The following RNF111 variants were observed in gnomAD, a reference collection of about 807,000 sequenced individuals.
The protein encoded by RNF111 is E3 ubiquitin-protein ligase Arkadia.
A neutral mutation model predicts 95.1 loss-of-function variants in RNF111; 17 were observed. The observed-to-expected ratio is 0.18, with a 90% CI of 0.12 to 0.27. RNF111 has a LOEUF of 0.27. Ranked by LOEUF, RNF111 falls within the 10% of genes least tolerant of loss-of-function variation. The pLI is 1.00. For synonymous variants in RNF111, 440 were observed against 414.8 expected, an observed-to-expected ratio of 1.06 and a Z score of -0.74; for missense variants, 1,189 against 1,210.4, an observed-to-expected ratio of 0.98 and a Z score of 0.26.
chr15:59,021,915 C>A (rs1377828690), intron 1 of RNF111, among the ~76,000 whole-genome samples: 1 of 152,030 alleles, frequency 6.6e-6, no homozygotes, highest in Admixed American at 6.6e-5. Flanking sequence ...GGCTGAAGTA[C>A]AGTGACGTGA....
chr15:59,031,220 C>G lies in RNF111; in HGVS notation c.398C>G (p.Ser133Cys). The change falls in exon 2 of 14, where the codon TCT becomes TGT. Residue 133 changes from serine to cysteine, a missense_variant. Ser to Cys is a moderately radical substitution (Grantham distance 112, BLOSUM62 -1). Coordinates refer to ENST00000348370, the MANE Select transcript of RNF111 (RefSeq NM_017610.8). ...GTPSDEDNDS[S>C]FSDCLSSPSS... ...CCAAGTGATGAAGATAATGATTCCT[C>G]TTTTAGTGATTGTCTTTCTTCTCCT... is the stretch of plus-strand genomic sequence containing the variant. The G allele has an allele frequency of 6.2e-7, 1 of 1,614,168 alleles. No homozygotes were observed. Among genetic ancestry groups the G allele is most frequent in the Non-Finnish European group, 8.5e-7 (1 of 1,180,016 alleles).
At position 59,094,888 on chromosome 15, in the gene RNF111, A is replaced by G; in HGVS notation, c.2949A>G (p.Pro983=). The change falls in exon 14 of 14, where the codon CCA becomes CCG. Residue 983 remains proline, a synonymous_variant. Coordinates refer to ENST00000348370, the MANE Select transcript of RNF111 (RefSeq NM_017610.8). ...ICRVDIEAQL[P]SES is the part of the protein sequence containing the mutation. The stretch of plus-strand genomic sequence containing the variant: ...GAGTGGACATTGAGGCCCAGCTGCC[A>G]AGTGAAAGTTGACACCATGTTTCAG... The G allele has an allele frequency of 6.3e-7, 1 of 1,596,822 alleles. No homozygotes were observed. The highest frequency in any genetic ancestry group is 8.6e-7 in the Non-Finnish European group (1 of 1,164,490).
rs528449344 is a variant in RNF111, at chr15:59,004,056, G to A, written c.-20+15988G>A. 3.3e-5 allele frequency: 18 copies of A among 553,030 alleles called. No homozygotes were observed. In the East Asian group the frequency reaches 4.5e-4, roughly 14 times the overall value. 34.3% of individuals were successfully genotyped at this position (553,030 alleles called of 1,614,324 possible). A position where few individuals can be genotyped will look rare whatever the true frequency, so the allele number is the denominator to read the frequency against. ...CTATCCTGTGTTTATCCTCCTTGCC[G>A]TAGCTGAGTTGATCTTTTTGAAACC... is the stretch of plus-strand genomic sequence containing the variant. On this transcript the variant is annotated intron_variant, in intron 1 of 13. Coordinates refer to ENST00000348370, the MANE Select transcript of RNF111 (RefSeq NM_017610.8).
chr15:59,002,648 C>T (rs143248976), intron 1 of RNF111, among the ~76,000 whole-genome samples: 84 of 152,004 alleles, frequency 5.5e-4, no homozygotes, highest in African/African-American at 1.9e-3. Flanking sequence ...CAAGTCACTT[C>T]TGTAATCTTC....
chr15:59,021,617 A>G (rs2040348229), intron 1 of RNF111, among the ~76,000 whole-genome samples: 1 of 152,148 alleles, frequency 6.6e-6, no homozygotes, highest in South Asian at 2.1e-4. Context: ...ACGGAATTTT[A>G]TGAGGTAAGT....
chr15:59,021,764 C>G (rs1391300074), intron 1 of RNF111, among the ~76,000 whole-genome samples: 2 of 152,130 alleles, frequency 1.3e-5, no homozygotes, highest in Non-Finnish European at 2.9e-5. Flanking sequence ...CTGTTTATCA[C>G]TCAGTATTCA....
chr15:59,044,441 T>A (rs1266795685), intron 2 of RNF111, among the ~76,000 whole-genome samples: 1 of 152,214 alleles, frequency 6.6e-6, no homozygotes, highest in African/African-American at 2.4e-5. Context: ...CAAGAGAATC[T>A]GTGATCTCTT....
chr15:59,041,532 G>A (rs2041451204), intron 2 of RNF111, among the ~76,000 whole-genome samples: 1 of 152,080 alleles, frequency 6.6e-6, no homozygotes, highest in African/African-American at 2.4e-5. Flanking sequence ...CTGCACTCCA[G>A]CCTGGGTGAC....
At chr15:59,090,966 A>C (rs2140242388) in intron 11 of RNF111, 93 bp from the exon 12 acceptor site, 1 of 723,254 alleles carries the variant, frequency 1.4e-6, no homozygotes, top group South Asian at 2.1e-5. Context: ...CAAGTTTCTA[A>C]GTATGGAGGT....
At chr15:59,018,216 A>G (rs1216776303) in intron 1 of RNF111, among the ~76,000 whole-genome samples, 1 of 152,232 alleles carries the variant, frequency 6.6e-6, no homozygotes, top group Non-Finnish European at 1.5e-5. Flanking sequence ...CAACATGCCT[A>G]GATTTGTAGA....
intron 1 of RNF111, among the ~76,000 whole-genome samples, chr15:58,994,085 T>A (rs2038939647): frequency 6.8e-6 from 1 of 147,236 alleles, no homozygotes; most frequent in Non-Finnish European, 1.5e-5. Flanking sequence ...TGGCCCAGGC[T>A]GGAGTGCAGT....
intron 7 of RNF111, 70 bp from the exon 8 acceptor site, chr15:59,080,866 A>T: frequency 1.7e-6 from 2 of 1,162,988 alleles, no homozygotes; most frequent in South Asian, 2.9e-5. Flanking sequence ...GTACACTAGG[A>T]ATGTATAATA....
chr15:59,013,034 C>T (rs912465327), intron 1 of RNF111, among the ~76,000 whole-genome samples: 3 of 152,246 alleles, frequency 2.0e-5, no homozygotes, highest in Admixed American at 6.5e-5. Context: ...CCACCGCGAC[C>T]GGCCTGGTTC....
chr15:59,085,523 G>T, intron 9 of RNF111, 136 bp from the exon 10 acceptor site: 2 of 668,046 alleles, frequency 3.0e-6, no homozygotes, highest in Non-Finnish European at 4.3e-6. Flanking sequence ...TAAATATTTT[G>T]GGCTAAATTA....
At chr15:58,998,582 A>G (rs1209134008) in intron 1 of RNF111, among the ~76,000 whole-genome samples, 1 of 152,230 alleles carries the variant, frequency 6.6e-6, no homozygotes, top group African/African-American at 2.4e-5. Flanking sequence ...TTCATGGAAC[A>G]CATTTTTACT....
chr15:59,071,224 G>C (rs1020318492), intron 6 of RNF111, among the ~76,000 whole-genome samples: 1 of 151,278 alleles, frequency 6.6e-6, no homozygotes, highest in Admixed American at 6.6e-5. Context: ...GCCTGAACCC[G>C]GGAGGCGGAG....
At chr15:58,995,743 C>A (rs1293299170) in intron 1 of RNF111, among the ~76,000 whole-genome samples, 1 of 148,794 alleles carries the variant, frequency 6.7e-6, no homozygotes, top group Non-Finnish European at 1.5e-5. Flanking sequence ...GGATTACAGG[C>A]ATGAGATGCC....
chr15:58,996,442 G>C (rs2039074470), intron 1 of RNF111, among the ~76,000 whole-genome samples: 1 of 151,750 alleles, frequency 6.6e-6, no homozygotes, highest in Admixed American at 6.6e-5. Context: ...GTAGCCAAGT[G>C]GGGTGGTGCA....
At chr15:59,020,130 TA>T (rs2040264476) in intron 1 of RNF111, among the ~76,000 whole-genome samples, 1 of 148,504 alleles carries the variant, frequency 6.7e-6, no homozygotes, top group South Asian at 2.1e-4. Flanking sequence ...ATAAAATACA[TA>T]TTTTATATAT....
Sources: allele counts gnomAD v4.1 joint callset (sites outside exome capture counted in the v4.1 genomes callset), GRCh38; gene constraint gnomAD v4.1.1; transcripts MANE v1.5; gene names NCBI Gene and HGNC (gene_info 2026-07-23, HGNC 2026-07-21).